Variants in FGF13 observed in about 807,000 individuals in gnomAD.
FGF13 encodes fibroblast growth factor homologous factor 2.
FGF13 carries 2 observed loss-of-function variants against 19.5 expected under a neutral mutation model. That is an observed-to-expected ratio of 0.10 (90% CI 0.04 to 0.32). The LOEUF is 0.32. Ranked by LOEUF, FGF13 falls within the 10% of genes least tolerant of loss-of-function variation. FGF13 has a pLI of 1.00. For missense variants in FGF13, 113 were observed against 192.7 expected (o/e 0.59, Z 2.45); for synonymous variants, 72 against 76.9 (o/e 0.94, Z 0.33).
intron 1 of FGF13, among the ~76,000 whole-genome samples, chrX:138,983,114 G>T (rs2124334601): frequency 9.1e-6 from 1 of 109,820 alleles, no homozygotes; most frequent in Non-Finnish European, 1.9e-5. Flanking sequence ...TTTTTACTTC[G>T]ATGCAATCCC....
At chrX:138,767,086 G>A (rs892974065) in intron 3 of FGF13, among the ~76,000 whole-genome samples, 8 of 111,372 alleles carry the variant, frequency 7.2e-5, no homozygotes, top group Admixed American at 6.7e-4. Flanking sequence ...CAGAGTCTAA[G>A]CGGCTTCAGG....
rs1412988218 is a variant in FGF13 at position 138,779,848 on chromosome X, A to G, written c.218-70920T>C. On this transcript the variant is annotated intron_variant, in intron 3 of 6. Coordinates refer to the FGF13 transcript ENST00000436198. ...GATACTCCCCGAGAAGAGCAACTCC[A>G]AGACACATAATTGTCAGATTCACCA... Among the ~76,000 whole-genome samples, 11 of 105,731 alleles carry G rather than the reference A, an allele frequency of 1.0e-4. No homozygotes were observed. In the South Asian group the frequency reaches 4.8e-3, roughly 46 times the overall value. The allele number at this position is 105,731 out of a possible 115,157, so 91.8% of individuals were successfully genotyped here. A position where few individuals can be genotyped will look rare whatever the true frequency, so the allele number is the denominator to read the frequency against.
At chrX:138,948,897 T>C (rs768398606) in intron 1 of FGF13, among the ~76,000 whole-genome samples, 1 of 112,053 alleles carries the variant, frequency 8.9e-6, no homozygotes, top group Admixed American at 9.5e-5. Context: ...TATATTGTCT[T>C]ATTACAAAAT....
intron 1 of FGF13, among the ~76,000 whole-genome samples, chrX:138,901,761 G>GA (rs961283407): frequency 9.0e-6 from 1 of 110,844 alleles, no homozygotes; most frequent in Non-Finnish European, 1.9e-5. Flanking sequence ...TTCAATCTCA[G>GA]AAAAAAATAA....
intron 1 of FGF13, among the ~76,000 whole-genome samples, chrX:139,107,932 C>T (rs1273009096): frequency 9.0e-6 from 1 of 110,910 alleles, no homozygotes; most frequent in African/African-American, 3.3e-5. Flanking sequence ...CTGCCACTCC[C>T]TAGCTGTCCA....
chrX:139,041,968 T>A (rs1283522967), intron 1 of FGF13, among the ~76,000 whole-genome samples: 2 of 112,229 alleles, frequency 1.8e-5, no homozygotes, highest in African/African-American at 6.5e-5. Flanking sequence ...TTATGTATGG[T>A]ATTTGGTAGC....
intron 1 of FGF13, among the ~76,000 whole-genome samples, chrX:138,896,259 T>C (rs1486669548): frequency 1.8e-5 from 2 of 111,829 alleles, no homozygotes; most frequent in Admixed American, 1.9e-4. Flanking sequence ...TTTATTTATA[T>C]CTCAAAACGT....
intron 1 of FGF13, among the ~76,000 whole-genome samples, chrX:139,193,002 T>G (rs73634012): frequency 0.048 from 5,358 of 111,672 alleles, 217 homozygotes; most frequent in African/African-American, 0.14. Flanking sequence ...AGATGGCACA[T>G]AGAAGGTTCA....
intron 3 of FGF13, among the ~76,000 whole-genome samples, chrX:138,698,700 G>T (rs150938193): frequency 1.8e-5 from 2 of 111,731 alleles, no homozygotes; most frequent in African/African-American, 6.5e-5. Flanking sequence ...CACAAAGAAT[G>T]GAATTTCTTA....
At chrX:138,951,735 C>G (rs1384544593) in intron 1 of FGF13, among the ~76,000 whole-genome samples, 4 of 111,561 alleles carry the variant, frequency 3.6e-5, no homozygotes, top group Admixed American at 9.5e-5. Context: ...CTACATATAT[C>G]AAGGCTGGCA....
intron 1 of FGF13, among the ~76,000 whole-genome samples, chrX:138,976,914 T>A (rs904702142): frequency 2.7e-5 from 3 of 111,549 alleles, no homozygotes; most frequent in African/African-American, 9.8e-5. Context: ...CACAGAAAGC[T>A]GCTGAAGTTA....
chrX:139,112,780 T>C (rs951100247), intron 1 of FGF13, among the ~76,000 whole-genome samples: 3 of 112,136 alleles, frequency 2.7e-5, no homozygotes, highest in Admixed American at 1.9e-4. Context: ...GTCTGGCCCA[T>C]AGGGAGCACC....
At chrX:139,076,624 T>G (rs2124437917) in intron 1 of FGF13, among the ~76,000 whole-genome samples, 1 of 112,039 alleles carries the variant, frequency 8.9e-6, no homozygotes, top group East Asian at 2.8e-4. Context: ...AATAGAAATC[T>G]GAAAAAATGC....
At chrX:138,889,975 C>A (rs1454659057) in intron 1 of FGF13, among the ~76,000 whole-genome samples, 1 of 108,174 alleles carries the variant, frequency 9.2e-6, no homozygotes, top group African/African-American at 3.4e-5. Flanking sequence ...ATCGCCCAGG[C>A]TGGAGTTCAG....
intron 1 of FGF13, among the ~76,000 whole-genome samples, chrX:138,945,623 G>T (rs1022851809): frequency 9.0e-6 from 1 of 111,602 alleles, no homozygotes; most frequent in African/African-American, 3.3e-5. Flanking sequence ...AATTATCTTG[G>T]TGAGTATGTG....
At chrX:139,136,737 C>T (rs2083804898) in intron 1 of FGF13, among the ~76,000 whole-genome samples, 1 of 111,746 alleles carries the variant, frequency 8.9e-6, no homozygotes, top group South Asian at 3.7e-4. Context: ...ACTAGGGAAG[C>T]TCATTAGACT....
chrX:138,715,185 G>A (rs940917500), upstream of FGF13, among the ~76,000 whole-genome samples: 3 of 112,091 alleles, frequency 2.7e-5, no homozygotes, highest in Non-Finnish European at 1.9e-5. Flanking sequence ...CAGAAAGAAA[G>A]CATTCTTAGC....
Position 138,847,996 on chromosome X carries a change from ATCT to A in FGF13, c.217+9513_217+9515del, listed in dbSNP as rs1182556229. Among the ~76,000 whole-genome samples the A allele has an allele frequency of 5.4e-5, 6 of 111,738 alleles. No homozygotes were observed. In the East Asian group the frequency reaches 1.7e-3, roughly 32 times the overall value. On this transcript the variant is annotated intron_variant, in intron 3 of 6. Coordinates refer to the FGF13 transcript ENST00000436198. ...TCGTGACACCCTTTTCTCCTTCTCC[ATCT>A]TCTTGTTTAAGTACAGTCTGAGAAA...
At chrX:139,019,140 G>A (rs1171877163) in intron 1 of FGF13, among the ~76,000 whole-genome samples, 1 of 112,005 alleles carries the variant, frequency 8.9e-6, no homozygotes, top group Non-Finnish European at 1.9e-5. Context: ...AGCACTCAGA[G>A]AAGTCAAGTA....
Sources: allele counts gnomAD v4.1 joint callset (sites outside exome capture counted in the v4.1 genomes callset), GRCh38; gene constraint gnomAD v4.1.1; transcripts MANE v1.5; gene names NCBI Gene and HGNC (gene_info 2026-07-23, HGNC 2026-07-21).